Variants in CFAP77 observed in about 807,000 individuals in gnomAD.
The protein encoded by CFAP77 is cilia and flagella associated protein 77, also known as cilia- and flagella-associated protein 77.
CFAP77 carries 25 observed loss-of-function variants against 31.1 expected under a neutral mutation model. That is an observed-to-expected ratio of 0.80 (90% CI 0.59 to 1.12). The LOEUF (loss-of-function observed/expected upper bound fraction) is 1.12, where lower values mean the gene tolerates loss of function less well. CFAP77 is among the 50% of genes most tolerant of loss of function. The pLI is 0.00. For synonymous variants in CFAP77, 151 were observed against 159.9 expected (o/e 0.94, Z 0.42); for missense variants, 377 against 397.3 (o/e 0.95, Z 0.44).
At position 132,499,727 on chromosome 9, in the gene CFAP77, A is replaced by T. The variant is rs1851811495; in HGVS notation, c.524+127A>T. ...CAGCCCCACTGTCCTCTCTTCAATGACTCTCTCTTGTGTGACCTCTATAGC... is the reference window on the plus strand; with the variant it reads ...CAGCCCCACTGTCCTCTCTTCAATGTCTCTCTCTTGTGTGACCTCTATAGC... On this transcript the variant is annotated intron_variant, in intron 3 of 5. Coordinates refer to ENST00000393216, the MANE Select transcript of CFAP77 (RefSeq NM_001282957.2). This position sits in a 1 kb window ranked among gnomAD's most constrained non-coding sequence, Gnocchi z 5.4. 4 of 831,976 alleles carry T rather than the reference A, an allele frequency of 4.8e-6. No homozygotes were observed. Among genetic ancestry groups the T allele is most frequent in the South Asian group, 3.3e-5 (2 of 61,244 alleles). The allele number at this position is 831,976 out of a possible 1,614,324, so 51.5% of individuals were successfully genotyped here.
At chr9:132,456,679 G>T (rs57195431) in intron 1 of CFAP77, among the ~76,000 whole-genome samples, 5 of 152,086 alleles carry the variant, frequency 3.3e-5, no homozygotes, top group African/African-American at 1.2e-4. Context: ...GCATCTCAAA[G>T]AAACCATTCA....
intron 5 of CFAP77, among the ~76,000 whole-genome samples, chr9:132,548,352 G>C (rs1304652609): frequency 6.6e-6 from 1 of 152,108 alleles, no homozygotes; most frequent in Non-Finnish European, 1.5e-5. Flanking sequence ...TCAATGAGTA[G>C]ATGCAGCTTT....
At chr9:132,483,007 C>T (rs1851476002) in intron 1 of CFAP77, among the ~76,000 whole-genome samples, 1 of 149,758 alleles carries the variant, frequency 6.7e-6, no homozygotes, top group Non-Finnish European at 1.5e-5. Flanking sequence ...TGAGGGGGCT[C>T]ATGCCTGTAA....
chr9:132,477,834 C>A (rs1322082772), intron 1 of CFAP77, among the ~76,000 whole-genome samples: 1 of 152,156 alleles, frequency 6.6e-6, no homozygotes, highest in East Asian at 1.9e-4. Context: ...AGTCCAGACC[C>A]TCTGAGTCTG....
chr9:132,531,630 G>GA (rs201770601), intron 3 of CFAP77, among the ~76,000 whole-genome samples: 3 of 149,142 alleles, frequency 2.0e-5, no homozygotes, highest in African/African-American at 7.4e-5. Flanking sequence ...AGACATGGGG[G>GA]GGGGGGCATG....
At chr9:132,542,675 C>T (rs565710362) in intron 4 of CFAP77, among the ~76,000 whole-genome samples, 20 of 152,360 alleles carry the variant, frequency 1.3e-4, no homozygotes, top group African/African-American at 4.1e-4. Context: ...GGTGGCTGCA[C>T]GCTGGAATCC....
chr9:132,461,143 G>A (rs1851043146), intron 1 of CFAP77, among the ~76,000 whole-genome samples: 1 of 152,234 alleles, frequency 6.6e-6, no homozygotes, highest in South Asian at 2.1e-4. Context: ...ACAATAGCAA[G>A]TGCTGAATGA....
At chr9:132,420,707 T>G (rs1850199984) in intron 1 of CFAP77, among the ~76,000 whole-genome samples, 1 of 152,026 alleles carries the variant, frequency 6.6e-6, no homozygotes, top group Admixed American at 6.6e-5. Flanking sequence ...ACTCTATGAT[T>G]CTATGCATTC....
At chr9:132,536,182 C>A (rs1852539670) in intron 3 of CFAP77, among the ~76,000 whole-genome samples, 1 of 151,980 alleles carries the variant, frequency 6.6e-6, no homozygotes, top group Admixed American at 6.6e-5. Context: ...CAAGTGGGTA[C>A]AAAACTTAGG....
intron 1 of CFAP77, among the ~76,000 whole-genome samples, chr9:132,473,083 C>G (rs986379446): frequency 2.2e-4 from 33 of 152,118 alleles, no homozygotes; most frequent in African/African-American, 8.0e-4. Context: ...TGCAGGGACC[C>G]CTCTGTGAGA....
intron 1 of CFAP77, among the ~76,000 whole-genome samples, chr9:132,430,236 G>T (rs962668117): frequency 2.6e-5 from 4 of 151,870 alleles, no homozygotes; most frequent in Non-Finnish European, 4.4e-5. Flanking sequence ...TACTATTTTG[G>T]ATTTTTTTGC....
chr9:132,521,368 C>T (rs1355273195), intron 3 of CFAP77, among the ~76,000 whole-genome samples: 1 of 152,184 alleles, frequency 6.6e-6, no homozygotes, highest in Non-Finnish European at 1.5e-5. Context: ...CACATGTCCT[C>T]AGGAAAGGAG....
At chr9:132,483,010 G>A (rs1029425900) in intron 1 of CFAP77, among the ~76,000 whole-genome samples, 34 of 150,916 alleles carry the variant, frequency 2.3e-4, no homozygotes, top group Middle Eastern at 3.5e-3. Flanking sequence ...GGGGGCTCAT[G>A]CCTGTAATCC....
chr9:132,427,393 C>G (rs1850335188), intron 1 of CFAP77, among the ~76,000 whole-genome samples: 2 of 152,198 alleles, frequency 1.3e-5, no homozygotes, highest in African/African-American at 4.8e-5. Context: ...CTTCTCCGGT[C>G]CTTCTCGGGT....
chr9:132,523,185 T>G (rs1852300535), intron 3 of CFAP77, among the ~76,000 whole-genome samples: 1 of 152,016 alleles, frequency 6.6e-6, no homozygotes, highest in South Asian at 2.1e-4. Context: ...TCTTCCGGGT[T>G]CAAGCAATTC....
chr9:132,526,288 G>T (rs1354149900), intron 3 of CFAP77, among the ~76,000 whole-genome samples: 3 of 151,808 alleles, frequency 2.0e-5, no homozygotes, highest in African/African-American at 7.3e-5. Flanking sequence ...GGAGTGCAGT[G>T]GTGCGATCTC....
intron 1 of CFAP77, among the ~76,000 whole-genome samples, chr9:132,450,462 A>G (rs1850806339): frequency 6.6e-6 from 1 of 152,166 alleles, no homozygotes. Context: ...TTAATAATAA[A>G]AACAATGACT....
rs562358458 is a variant in CFAP77, at chr9:132,521,257, C to T, written c.525-16344C>T. ...GCCACGTGTCCTCGGTGCTTGCACC[C>T]GTCCTGAAGGATATCGGGGCCACCC... On this transcript the variant is annotated intron_variant, in intron 3 of 5. Transcript: ENST00000393216. 1.4e-3 allele frequency among the ~76,000 whole-genome samples: 206 copies of T among 152,328 alleles called. 1 individual carries two copies. Among genetic ancestry groups the T allele is most frequent in the African/African-American group, 4.8e-3 (198 of 41,578 alleles).
chr9:132,472,211 G>A (rs566050), intron 1 of CFAP77, among the ~76,000 whole-genome samples: 113,384 of 152,138 alleles, frequency 0.75, 42,688 homozygotes, highest in East Asian at 0.85. Flanking sequence ...ACTGGGCACA[G>A]TCTCTGGCAC....
Sources: allele counts gnomAD v4.1 joint callset (sites outside exome capture counted in the v4.1 genomes callset), GRCh38; gene constraint gnomAD v4.1.1; non-coding constraint Gnocchi (gnomAD v3.1); transcripts MANE v1.5; gene names NCBI Gene and HGNC (gene_info 2026-07-23, HGNC 2026-07-21).